Variants in EDAR observed in about 807,000 individuals in gnomAD.
EDAR encodes the protein ectodysplasin A receptor.
EDAR carries 38 observed loss-of-function variants against 51.3 expected under a neutral mutation model. The ratio of observed to expected loss-of-function variants is 0.74; its 90% CI spans 0.57 to 0.97. The LOEUF is 0.97. EDAR is among the 50% of genes least tolerant of loss of function. EDAR has a pLI of 0.00. For missense variants in EDAR, 528 were observed against 595.0 expected (o/e 0.89, Z 1.17); for synonymous variants, 227 against 242.1 (o/e 0.94, Z 0.58).
At chr2:108,923,076 G>A (rs573092832) in intron 5 of EDAR, among the ~76,000 whole-genome samples, 1 of 152,294 alleles carries the variant, frequency 6.6e-6, no homozygotes, top group South Asian at 2.1e-4. Context: ...TCAGATGTTA[G>A]TACCCCCATA....
At position 108,895,746 on chromosome 2, in the gene EDAR, G is replaced by A. The variant is rs1009321120; in HGVS notation, c.*1161C>T. 1.3e-5 allele frequency: 2 copies of A among 152,198 alleles called. No individual in the cohort carries two copies. The highest frequency in any genetic ancestry group is 4.8e-5 in the African/African-American group (2 of 41,452). 9.4% of individuals were successfully genotyped at this position (152,198 alleles called of 1,614,324 possible). A position where few individuals can be genotyped will look rare whatever the true frequency, so the allele number is the denominator to read the frequency against. ...AGAGAGAGGAAAAGACAAGGCCCAAGGTGGCACAACTAGAAGCCAGCTCCC... is the reference window on the plus strand; with the variant it reads ...AGAGAGAGGAAAAGACAAGGCCCAAAGTGGCACAACTAGAAGCCAGCTCCC... On this transcript the variant is annotated 3_prime_UTR_variant, in exon 12 of 12. Transcript: ENST00000258443.
At chr2:108,981,001 A>T (rs1698410155) in intron 1 of EDAR, among the ~76,000 whole-genome samples, 1 of 152,132 alleles carries the variant, frequency 6.6e-6, no homozygotes, top group Non-Finnish European at 1.5e-5. Context: ...TGCCAGGCAG[A>T]GGTTGAGCTG....
At chr2:108,960,739 T>C (rs1698022579) in intron 1 of EDAR, among the ~76,000 whole-genome samples, 1 of 152,244 alleles carries the variant, frequency 6.6e-6, no homozygotes, top group Non-Finnish European at 1.5e-5. Flanking sequence ...TTTTGATATA[T>C]TTCCTTTTAC....
At position 108,896,145 on chromosome 2, in the gene EDAR, ATCCAATTGC is replaced by A. The variant is rs768322073; in HGVS notation, c.*753_*761del. 6.6e-6 allele frequency: 1 copy of A among 152,274 alleles called. No individual in the cohort carries two copies. Among genetic ancestry groups the A allele is most frequent in the Non-Finnish European group, 1.5e-5 (1 of 68,066 alleles). 9.4% of individuals were successfully genotyped at this position (152,274 alleles called of 1,614,324 possible). A position where few individuals can be genotyped will look rare whatever the true frequency, so the allele number is the denominator to read the frequency against. ...GTAAATGAAATTGGCTACTGCACAC[ATCCAATTGC>A]TTGGACAAACACATGCCTTGCATAT... On this transcript the variant is annotated 3_prime_UTR_variant, in exon 12 of 12. Transcript: ENST00000258443.
rs187109864 is a variant in EDAR, at chr2:108,907,788, A to T, written c.963+72T>A. 18 of 1,576,678 alleles carry T rather than the reference A, an allele frequency of 1.1e-5. No homozygotes were observed. The Middle Eastern group carries it at 5.0e-4, about 44-fold the overall frequency. On this transcript the variant is annotated intron_variant, in intron 10 of 11. Transcript: ENST00000258443. ...GTCTTGCAGGAGAGCTGATTCAATA[A>T]GAAAGTTTTAGTCTTGCGGCTGTGA...
chr2:108,916,692 C>G (rs1352470725), intron 5 of EDAR, among the ~76,000 whole-genome samples: 1 of 152,130 alleles, frequency 6.6e-6, no homozygotes, highest in Non-Finnish European at 1.5e-5. Context: ...GCTCTGAGCA[C>G]GTGTGCGCAG....
intron 1 of EDAR, among the ~76,000 whole-genome samples, chr2:108,937,261 A>G (rs1697490967): frequency 6.6e-6 from 1 of 152,344 alleles, no homozygotes; most frequent in Non-Finnish European, 1.5e-5. Context: ...TTTCAGGGCT[A>G]TGAGGGGCAA....
rs1227581800 is a variant in EDAR, at chr2:108,910,809, C to T, written c.697G>A (p.Val233Met). ...TCTTTCTTCTCCTCGTCCTTGCTCACTTGGGCCTCCACGCTCTTCCCCGGG... is the reference window on the plus strand; with the variant it reads ...TCTTTCTTCTCCTCGTCCTTGCTCATTTGGGCCTCCACGCTCTTCCCCGGG... ...SHPGKSVEAQ[V>M]SKDEEKKEAP... The change falls in exon 8 of 12, where the codon GTG becomes ATG. Residue 233 changes from valine to methionine, a missense_variant. Physicochemically the swap from Val to Met is conservative, Grantham distance 21 (BLOSUM62 1). Transcript: ENST00000258443. 3.2e-5 allele frequency: 51 copies of T among 1,613,820 alleles called. No individual in the cohort carries two copies. Among genetic ancestry groups the T allele is most frequent in the Non-Finnish European group, 4.2e-5 (50 of 1,179,986 alleles).
At chr2:108,951,818 A>C (rs112116966) in intron 1 of EDAR, among the ~76,000 whole-genome samples, 1 of 152,172 alleles carries the variant, frequency 6.6e-6, no homozygotes, top group Non-Finnish European at 1.5e-5. Flanking sequence ...TGTGTTATGG[A>C]CTATCTTCTC....
chr2:108,981,636 G>C (rs150703240), intron 1 of EDAR, among the ~76,000 whole-genome samples: 1 of 152,092 alleles, frequency 6.6e-6, no homozygotes, highest in Non-Finnish European at 1.5e-5. Flanking sequence ...ACCTCTGCTC[G>C]ATATATACTA....
intron 1 of EDAR, among the ~76,000 whole-genome samples, chr2:108,987,337 G>T (rs1031007580): frequency 1.3e-4 from 20 of 152,226 alleles, no homozygotes; most frequent in Admixed American, 3.3e-4. Context: ...TTTAACAGAG[G>T]CAAGTAGGTT....
rs150217793 is a variant in EDAR at position 108,966,297 on chromosome 2, T to C, written c.-19+22663A>G. On this transcript the variant is annotated intron_variant, in intron 1 of 11. Transcript: ENST00000258443. ...TTATCAATATTTTAAAGTCAGATGATCTTTGCAATTAACACATGAACTTTG... is the reference window on the plus strand; with the variant it reads ...TTATCAATATTTTAAAGTCAGATGACCTTTGCAATTAACACATGAACTTTG... Among the ~76,000 whole-genome samples the C allele has an allele frequency of 7.3e-3, 1,119 of 152,334 alleles. 8 individuals are homozygous for C. The highest frequency in any genetic ancestry group is 0.029 in the South Asian group (138 of 4,830).
Position 108,929,324 on chromosome 2 carries a change from T to C in EDAR, c.230A>G (p.Glu77Gly). Residue 77 changes from glutamate to glycine, a missense_variant, in exon 4 of 12, where the codon GAG (glutamate) becomes GGG (glycine). Physicochemically the swap from Glu to Gly is moderately conservative, Grantham distance 98. Transcript: ENST00000258443. ...EDYGCVPCPA[E>G]KFSKGGYQIC... The stretch of plus-strand genomic sequence containing the variant: ...CTGGTAGCCTCCTTTGGAAAACTTC[T>C]CCGCCGGGCAGGGGACGCAGCCGTA... 6.2e-7 allele frequency: 1 copy of C among 1,614,130 alleles called. No individual in the cohort carries two copies. Among genetic ancestry groups the C allele is most frequent in the Non-Finnish European group, 8.5e-7 (1 of 1,180,024 alleles).
intron 4 of EDAR, among the ~76,000 whole-genome samples, chr2:108,926,393 G>A (rs2378225): frequency 0.034 from 5,159 of 152,274 alleles, 275 homozygotes; most frequent in African/African-American, 0.11. Context: ...GTTGTTTAAG[G>A]ACTGACTTTC....
chr2:108,962,671 T>G (rs1698070940), intron 1 of EDAR, among the ~76,000 whole-genome samples: 1 of 73,264 alleles, frequency 1.4e-5, no homozygotes, highest in Non-Finnish European at 2.8e-5. Context: ...CGAGACTCTG[T>G]CTCAAAAAAA....
At chr2:108,919,200 C>T (rs554324587) in intron 5 of EDAR, among the ~76,000 whole-genome samples, 200 of 152,214 alleles carry the variant, frequency 1.3e-3, no homozygotes, top group Middle Eastern at 3.4e-3. Context: ...GAAGAGCATC[C>T]GGGCACAAGA....
chr2:108,906,520 C>T lies in EDAR; in HGVS notation c.964-152G>A, dbSNP rs192249125. The T allele has an allele frequency of 7.6e-5, 63 of 827,130 alleles. No homozygotes were observed. In the Admixed American group the frequency reaches 9.0e-4, roughly 12 times the overall value. 51.2% of individuals were successfully genotyped at this position (827,130 alleles called of 1,614,324 possible). ...GTGTCAGCAGCCCAGCCCTGACACACAGGGAGGAGGGCCTTCTTCAGGTTT... is the reference window on the plus strand; with the variant it reads ...GTGTCAGCAGCCCAGCCCTGACACATAGGGAGGAGGGCCTTCTTCAGGTTT... On this transcript the variant is annotated intron_variant, in intron 10 of 11. Coordinates refer to ENST00000258443, the MANE Select transcript of EDAR (RefSeq NM_022336.4).
chr2:108,919,855 C>A (rs17037106), intron 5 of EDAR, among the ~76,000 whole-genome samples: 10,600 of 152,292 alleles, frequency 0.07, 449 homozygotes, highest in South Asian at 0.12. Context: ...ACCCTGAGTG[C>A]GTAGCTGACT....
intron 1 of EDAR, among the ~76,000 whole-genome samples, chr2:108,938,631 C>T (rs747935626): frequency 6.6e-6 from 1 of 151,774 alleles, no homozygotes; most frequent in Non-Finnish European, 1.5e-5. Flanking sequence ...AGGATCTTGT[C>T]GAACTGACAA....
Sources: allele counts gnomAD v4.1 joint callset (sites outside exome capture counted in the v4.1 genomes callset), GRCh38; gene constraint gnomAD v4.1.1; transcripts MANE v1.5; gene names NCBI Gene and HGNC (gene_info 2026-07-23, HGNC 2026-07-21).